Variants in TBC1D22B observed in about 807,000 individuals in gnomAD.
The protein encoded by TBC1D22B is chromosome 6 open reading frame 197.
TBC1D22B carries 32 observed loss-of-function variants against 69.1 expected under a neutral mutation model. The observed-to-expected ratio is 0.46, with a 90% CI of 0.35 to 0.62. TBC1D22B has a LOEUF of 0.62. TBC1D22B is among the 20% of genes least tolerant of loss of function. TBC1D22B has a pLI of 0.00. For missense variants in TBC1D22B, 462 were observed against 630.9 expected, an observed-to-expected ratio of 0.73 and a Z score of 2.87; for synonymous variants, 206 against 229.8, an observed-to-expected ratio of 0.90 and a Z score of 0.94.
At chr6:37,298,461 G>C (rs1767456468) in intron 8 of TBC1D22B, among the ~76,000 whole-genome samples, 1 of 150,774 alleles carries the variant, frequency 6.6e-6, no homozygotes, top group Admixed American at 6.6e-5. Flanking sequence ...ATTATTTTCA[G>C]CAATTCCATT....
chr6:37,261,432 CAA>C (rs56999111), intron 1 of TBC1D22B, among the ~76,000 whole-genome samples: 238 of 75,904 alleles, frequency 3.1e-3, no homozygotes, highest in African/African-American at 9.0e-3. Flanking sequence ...AGATTGTCTC[CAA>C]AAAAAAAAAA....
intron 5 of TBC1D22B, among the ~76,000 whole-genome samples, 168 bp downstream of exon 5, chr6:37,283,120 C>A (rs1466962664): frequency 6.6e-6 from 1 of 152,212 alleles, no homozygotes; most frequent in Non-Finnish European, 1.5e-5. Flanking sequence ...GAAATACATT[C>A]TTGAGAGTTT....
intron 10 of TBC1D22B, among the ~76,000 whole-genome samples, chr6:37,314,270 C>T (rs984255000): frequency 1.3e-5 from 2 of 152,204 alleles, no homozygotes; most frequent in Admixed American, 6.5e-5. Flanking sequence ...CTTTCTGCAG[C>T]TCTGTTCTGG....
chr6:37,274,909 G>C (rs1162269871), intron 2 of TBC1D22B, among the ~76,000 whole-genome samples: 13 of 152,160 alleles, frequency 8.5e-5, no homozygotes, highest in Non-Finnish European at 1.9e-4. Context: ...AAAATTAGCT[G>C]GGCGTAGTGG....
At chr6:37,321,011 T>C (rs914884478) in intron 12 of TBC1D22B, among the ~76,000 whole-genome samples, 5 of 152,240 alleles carry the variant, frequency 3.3e-5, no homozygotes, top group Admixed American at 2.6e-4. Context: ...CAGTTGTTTT[T>C]GTAGATTAAA....
intron 2 of TBC1D22B, among the ~76,000 whole-genome samples, chr6:37,277,340 G>A (rs2064382704): frequency 6.6e-6 from 1 of 152,196 alleles, no homozygotes; most frequent in Non-Finnish European, 1.5e-5. Context: ...AATCCCCTGA[G>A]GTGGTACTGC....
intron 1 of TBC1D22B, among the ~76,000 whole-genome samples, chr6:37,265,783 T>A (rs796290038): frequency 6.6e-6 from 1 of 152,346 alleles, no homozygotes; most frequent in South Asian, 2.1e-4. Context: ...AAGTAGGGAC[T>A]GTATTCATAA....
chr6:37,258,068 A>G (rs1006335387), intron 1 of TBC1D22B, 95 bp downstream of exon 1: 25 of 1,410,054 alleles, frequency 1.8e-5, no homozygotes, highest in Non-Finnish European at 2.4e-5. Context: ...CACAGAGGCC[A>G]GAAGACTGGT....
chr6:37,282,037 G>GC (rs1407477485), intron 3 of TBC1D22B, 148 bp from the exon 4 acceptor site: 1 of 834,200 alleles, frequency 1.2e-6, no homozygotes, highest in South Asian at 1.7e-5. Context: ...CTGGCCCCTC[G>GC]CTGCCCTTCA....
intron 8 of TBC1D22B, among the ~76,000 whole-genome samples, chr6:37,302,942 C>T (rs1377663112): frequency 6.6e-6 from 1 of 152,208 alleles, no homozygotes; most frequent in East Asian, 1.9e-4. Context: ...CTCTCTCATT[C>T]TGCAGTCTTC....
At chr6:37,302,804 A>G (rs990153600) in intron 8 of TBC1D22B, among the ~76,000 whole-genome samples, 2 of 152,234 alleles carry the variant, frequency 1.3e-5, no homozygotes, top group African/African-American at 2.4e-5. Flanking sequence ...TAGGCTGCAC[A>G]TAACAGGGAA....
At chr6:37,275,977 T>G (rs1766658072) in intron 2 of TBC1D22B, among the ~76,000 whole-genome samples, 1 of 150,944 alleles carries the variant, frequency 6.6e-6, no homozygotes, top group African/African-American at 2.4e-5. Flanking sequence ...TTTTTTTTTT[T>G]TTTTGGAGAT....
intron 8 of TBC1D22B, among the ~76,000 whole-genome samples, chr6:37,300,104 A>G (rs1040005831): frequency 6.6e-6 from 1 of 151,756 alleles, no homozygotes; most frequent in African/African-American, 2.4e-5. Context: ...TCCATTACTA[A>G]TTTATTTTCT....
At chr6:37,323,009 G>T (rs79144597) in intron 12 of TBC1D22B, among the ~76,000 whole-genome samples, 6,165 of 152,226 alleles carry the variant, frequency 0.04, 166 homozygotes, top group Non-Finnish European at 0.059. Flanking sequence ...TATGAAGAGC[G>T]TGTGCCTGAG....
intron 6 of TBC1D22B, among the ~76,000 whole-genome samples, chr6:37,286,211 C>T (rs1234764295): frequency 6.6e-6 from 1 of 152,164 alleles, no homozygotes; most frequent in Non-Finnish European, 1.5e-5. Context: ...CTATTGTTGT[C>T]ATGGAAACAT....
intron 2 of TBC1D22B, among the ~76,000 whole-genome samples, chr6:37,278,951 A>G (rs1465912910): frequency 1.3e-5 from 2 of 151,820 alleles, no homozygotes; most frequent in African/African-American, 4.8e-5. Context: ...GAGAGAGGTT[A>G]TACAGAACTG....
At position 37,298,539 on chromosome 6, in the gene TBC1D22B, G is replaced by GTTTTTTTTTTTTTTTTTTTTTT. The variant is rs34996865; in HGVS notation, c.982+7185_982+7206dup. On this transcript the variant is annotated intron_variant, in intron 8 of 12. Transcript: ENST00000373491. ...TAGAAGAACATTTAAGTTGCCTACA[G>GTTTTTTTTTTTTTTTTTTTTTT]TTTTTTTTTTTTTTTTTTTTTTTTG... 1.1e-4 allele frequency among the ~76,000 whole-genome samples: 8 copies of GTTTTTTTTTTTTTTTTTTTTTT among 71,218 alleles called. 1 individual carries two copies. The highest frequency in any genetic ancestry group is 4.9e-4 in the African/African-American group (8 of 16,264). 46.7% of individuals were successfully genotyped at this position (71,218 alleles called of 152,430 possible).
intron 8 of TBC1D22B, among the ~76,000 whole-genome samples, chr6:37,309,687 C>T (rs1767844670): frequency 2.6e-5 from 4 of 152,114 alleles, no homozygotes; most frequent in Admixed American, 2.6e-4. Flanking sequence ...CTGCCTGAGC[C>T]TGTGACCCAG....
At chr6:37,261,173 T>C (rs975223858) in intron 1 of TBC1D22B, among the ~76,000 whole-genome samples, 1 of 152,116 alleles carries the variant, frequency 6.6e-6, no homozygotes, top group African/African-American at 2.4e-5. Flanking sequence ...TGTGGTGGCC[T>C]GTAATCCCAG....
Sources: gnomAD v4.1 joint callset for allele counts (sites outside exome capture counted in the v4.1 genomes callset) on GRCh38, gnomAD v4.1.1 for gene constraint, MANE v1.5 for transcripts, NCBI Gene and HGNC (gene_info 2026-07-23, HGNC 2026-07-21) for gene names.